EXT1: variants seen among roughly 807,000 people sequenced by gnomAD.
EXT1 encodes exostosin-1.
A neutral mutation model predicts 82.5 loss-of-function variants in EXT1; 20 were observed. The ratio of observed to expected loss-of-function variants is 0.24; its 90% CI spans 0.17 to 0.35. The LOEUF is 0.35. Ranked by LOEUF, EXT1 falls within the 10% of genes least tolerant of loss-of-function variation. The pLI, the probability that EXT1 is intolerant of heterozygous loss-of-function variation, is 1.00. For synonymous variants in EXT1, 348 were observed against 350.8 expected (o/e 0.99, Z 0.09); for missense variants, 757 against 936.5 (o/e 0.81, Z 2.50).
chr8:117,829,991 CTG>C (rs1318473899), intron 4 of EXT1, among the ~76,000 whole-genome samples: 2 of 152,148 alleles, frequency 1.3e-5, no homozygotes, highest in Non-Finnish European at 2.9e-5. Context: ...GAGTCAATCT[CTG>C]TGTCAATAAG....
intron 1 of EXT1, among the ~76,000 whole-genome samples, chr8:117,997,918 A>G (rs762906711): frequency 6.6e-6 from 1 of 151,780 alleles, no homozygotes; most frequent in Non-Finnish European, 1.5e-5. Context: ...AACATCCTTC[A>G]TGGTTCAGTT....
intron 1 of EXT1, among the ~76,000 whole-genome samples, chr8:117,958,017 G>A (rs1361386863): frequency 6.6e-6 from 1 of 152,130 alleles, no homozygotes. Flanking sequence ...ACTGGTAAAG[G>A]TGGAACCTAA....
intron 1 of EXT1, among the ~76,000 whole-genome samples, chr8:117,848,641 G>T (rs181805617): frequency 6.6e-6 from 1 of 152,130 alleles, no homozygotes; most frequent in Non-Finnish European, 1.5e-5. Context: ...GCACTGGGAC[G>T]CCATGAAGCA....
rs1312672999 is a variant in EXT1, at chr8:118,041,102, A to C, written c.962+68983T>G. Among the ~76,000 whole-genome samples the C allele has an allele frequency of 2.0e-5, 3 of 152,248 alleles. No individual in the cohort carries two copies. In the East Asian group the frequency reaches 5.8e-4, roughly 29 times the overall value. On this transcript the variant is annotated intron_variant, in intron 1 of 10. Transcript: ENST00000378204. ...CTAATTTATTATAAAATTTTTATCCACAACAAAGTAGAGAATGACCAGAAG... is the reference window on the plus strand; with the variant it reads ...CTAATTTATTATAAAATTTTTATCCCCAACAAAGTAGAGAATGACCAGAAG...
At chr8:117,904,815 G>C (rs1813513343) in intron 1 of EXT1, among the ~76,000 whole-genome samples, 1 of 151,116 alleles carries the variant, frequency 6.6e-6, no homozygotes, top group Non-Finnish European at 1.5e-5. Context: ...AAGTAGGAGA[G>C]AGAGAGAAAG....
intron 1 of EXT1, among the ~76,000 whole-genome samples, chr8:118,028,514 T>C (rs1370334071): frequency 6.6e-6 from 1 of 151,936 alleles, no homozygotes; most frequent in Non-Finnish European, 1.5e-5. Flanking sequence ...GATATACATA[T>C]ATAGATATAC....
intron 1 of EXT1, among the ~76,000 whole-genome samples, chr8:117,967,499 C>T (rs1017712938): frequency 1.4e-5 from 2 of 147,644 alleles, no homozygotes; most frequent in South Asian, 4.4e-4. Flanking sequence ...AAGTTCAGCA[C>T]TTGAGAGAAT....
At chr8:117,807,962 A>C (rs902501578) in intron 8 of EXT1, among the ~76,000 whole-genome samples, 2 of 152,230 alleles carry the variant, frequency 1.3e-5, no homozygotes, top group African/African-American at 4.8e-5. Flanking sequence ...GCACAGTTTA[A>C]GAGACACTAG....
At chr8:118,067,165 A>G (rs990185653) in intron 1 of EXT1, among the ~76,000 whole-genome samples, 1 of 152,224 alleles carries the variant, frequency 6.6e-6, no homozygotes, top group African/African-American at 2.4e-5. Flanking sequence ...GGAGACTCTC[A>G]AGTCTAAACT....
intron 1 of EXT1, among the ~76,000 whole-genome samples, chr8:118,061,152 G>C (rs1315062629): frequency 6.6e-6 from 1 of 152,184 alleles, no homozygotes; most frequent in East Asian, 1.9e-4. Flanking sequence ...CCTTATTAGG[G>C]CACCATAGTG....
intron 1 of EXT1, among the ~76,000 whole-genome samples, chr8:117,874,229 T>C (rs1197234534): frequency 1.3e-5 from 2 of 152,188 alleles, no homozygotes; most frequent in African/African-American, 4.8e-5. Context: ...TGAATATATA[T>C]TGTCAAGTTT....
At chr8:117,821,119 C>A (rs980219907) in intron 5 of EXT1, among the ~76,000 whole-genome samples, 1 of 152,166 alleles carries the variant, frequency 6.6e-6, no homozygotes, top group African/African-American at 2.4e-5. Context: ...CAACACAGTG[C>A]AGGGACATTC....
At chr8:117,891,432 C>T (rs1813238419) in intron 1 of EXT1, among the ~76,000 whole-genome samples, 1 of 152,140 alleles carries the variant, frequency 6.6e-6, no homozygotes, top group Admixed American at 6.5e-5. Flanking sequence ...CTGTCACTTA[C>T]CCTGCTCTTG....
At chr8:117,942,068 G>C (rs533372137) in intron 1 of EXT1, among the ~76,000 whole-genome samples, 2 of 152,298 alleles carry the variant, frequency 1.3e-5, no homozygotes, top group Non-Finnish European at 2.9e-5. Context: ...ATCACCTGCT[G>C]CTACCGTCTT....
intron 1 of EXT1, among the ~76,000 whole-genome samples, chr8:117,994,396 G>C (rs1028463808): frequency 1.3e-5 from 2 of 152,194 alleles, no homozygotes; most frequent in Admixed American, 6.5e-5. Flanking sequence ...TGGATCACTT[G>C]AGTCTAGGAG....
chr8:118,045,605 C>T (rs1027929530), intron 1 of EXT1, among the ~76,000 whole-genome samples: 43 of 152,072 alleles, frequency 2.8e-4, no homozygotes, highest in African/African-American at 9.9e-4. Flanking sequence ...AACAATCAGC[C>T]TCTTCTATGT....
chr8:118,020,675 A>AT (rs1816088657), intron 1 of EXT1, among the ~76,000 whole-genome samples: 1 of 152,154 alleles, frequency 6.6e-6, no homozygotes, highest in African/African-American at 2.4e-5. Flanking sequence ...ATCGAATAGT[A>AT]TTACATTATG....
chr8:117,986,192 T>C (rs10670864), intron 1 of EXT1, among the ~76,000 whole-genome samples: 7 of 27,148 alleles, frequency 2.6e-4, no homozygotes, highest in South Asian at 1.9e-3. Flanking sequence ...CTTTTCTTTT[T>C]TTTTTTTTTT....
In EXT1 at chr8:117,795,402, G is replaced by C. The variant is rs555851412; in HGVS notation, c.*4310C>G. 2.1e-3 allele frequency: 319 copies of C among 151,362 alleles called. 2 individuals are homozygous for C. The highest frequency in any genetic ancestry group is 7.4e-3 in the African/African-American group (305 of 41,206). 9.4% of individuals were successfully genotyped at this position (151,362 alleles called of 1,614,324 possible). On this transcript the variant is annotated 3_prime_UTR_variant, in exon 11 of 11. Transcript: ENST00000378204. ...CATCACAATTATGGTGTAAATAACA[G>C]CTTTTTTATCCAGAGGTTCTGTACA...
Sources: gnomAD v4.1 joint callset for allele counts (sites outside exome capture counted in the v4.1 genomes callset) on GRCh38, gnomAD v4.1.1 for gene constraint, MANE v1.5 for transcripts, NCBI Gene and HGNC (gene_info 2026-07-23, HGNC 2026-07-21) for gene names.